The following NPHP4 variants were observed in gnomAD, a reference collection of about 807,000 sequenced individuals.
NPHP4 encodes nephrocystin-4.
Under a neutral mutation model 155.8 loss-of-function variants are expected in NPHP4, and 151 were observed. The observed-to-expected ratio is 0.97, with a 90% CI of 0.85 to 1.11. The LOEUF (loss-of-function observed/expected upper bound fraction) is 1.11. Among genes scored for constraint, NPHP4 ranks in the 50% least tolerant of loss-of-function variants. NPHP4 has a pLI of 0.00. For missense variants in NPHP4, 1,956 were observed against 1,925.7 expected, an observed-to-expected ratio of 1.02 and a Z score of -0.29; for synonymous variants, 845 against 816.8, an observed-to-expected ratio of 1.03 and a Z score of -0.59.
intron 17 of NPHP4, chr1:5,888,224 G>T: frequency 1.6e-6 from 1 of 611,674 alleles, no homozygotes; most frequent in Non-Finnish European, 2.0e-6. Context: ...CTGCTGATCA[G>T]ATTCCACGGC....
At chr1:5,930,163 A>G (rs1274708005) in intron 10 of NPHP4, among the ~76,000 whole-genome samples, 1 of 152,092 alleles carries the variant, frequency 6.6e-6, no homozygotes, top group African/African-American at 2.4e-5. Flanking sequence ...TTCATTCCTA[A>G]TATTAGTCAT....
At chr1:5,919,767 T>G (rs1645647879) in intron 11 of NPHP4, among the ~76,000 whole-genome samples, 1 of 151,824 alleles carries the variant, frequency 6.6e-6, no homozygotes. Flanking sequence ...AGAGGCAAAG[T>G]CTGGCTCTGA....
chr1:5,879,781 A>G, intron 19 of NPHP4: 1 of 406,722 alleles, frequency 2.5e-6, no homozygotes, highest in Non-Finnish European at 4.6e-6. Flanking sequence ...TGGTGCGCAC[A>G]CACACACACA....
chr1:5,897,990 C>T (rs1293109596), intron 16 of NPHP4, among the ~76,000 whole-genome samples: 1 of 152,166 alleles, frequency 6.6e-6, no homozygotes, highest in East Asian at 1.9e-4. Flanking sequence ...CGCAGAAGGC[C>T]CGGGAAAGAG....
In NPHP4 at chr1:5,867,202, G is replaced by C; in HGVS notation, c.3473-87C>G. The C allele has an allele frequency of 1.0e-6, 1 of 993,668 alleles. No homozygotes were observed. The highest frequency in any genetic ancestry group is 2.6e-5 in the East Asian group (1 of 37,886). The allele number at this position is 993,668 out of a possible 1,614,324, so 61.6% of individuals were successfully genotyped here. On this transcript the variant is annotated intron_variant, in intron 24 of 29. Coordinates refer to ENST00000378156, the MANE Select transcript of NPHP4 (RefSeq NM_015102.5). The surrounding 1 kb of genome is among the most constrained non-coding windows in gnomAD (Gnocchi z 4.1). ...CCCACACATTACACACTATAGGACA[G>C]GACAGGCTCGTCACAGGTGCTCAGC...
At chr1:5,966,673 C>T (rs1192013318) in intron 5 of NPHP4, among the ~76,000 whole-genome samples, 4 of 152,166 alleles carry the variant, frequency 2.6e-5, no homozygotes, top group Non-Finnish European at 4.4e-5. Context: ...GCCACTCTTC[C>T]CCACCCACAC....
chr1:5,929,577 G>A (rs1185473914), intron 10 of NPHP4, among the ~76,000 whole-genome samples: 1 of 151,954 alleles, frequency 6.6e-6, no homozygotes, highest in Non-Finnish European at 1.5e-5. Context: ...CCTTCTTTAG[G>A]CTGTTACTAT....
intron 2 of NPHP4, among the ~76,000 whole-genome samples, chr1:5,980,212 G>A (rs912942170): frequency 2.0e-5 from 3 of 152,196 alleles, no homozygotes; most frequent in Middle Eastern, 3.4e-3. Context: ...CCAACCCTGC[G>A]CTTCCCCAGG....
intron 22 of NPHP4, among the ~76,000 whole-genome samples, chr1:5,874,176 C>T (rs868162): frequency 0.31 from 46,185 of 149,016 alleles, 7,828 homozygotes; most frequent in South Asian, 0.42. Flanking sequence ...TGCTAGAAAA[C>T]GTCAATCCAT....
intron 11 of NPHP4, among the ~76,000 whole-genome samples, chr1:5,909,952 AC>A (rs1252802431): frequency 6.6e-6 from 1 of 152,132 alleles, no homozygotes; most frequent in African/African-American, 2.4e-5. Context: ...TCCCCAGGCC[AC>A]ATGGACACCT....
At chr1:5,900,755 A>T (rs1269483363) in intron 16 of NPHP4, among the ~76,000 whole-genome samples, 2 of 152,208 alleles carry the variant, frequency 1.3e-5, no homozygotes, top group Admixed American at 6.5e-5. Context: ...TACATTTGTT[A>T]CATGGTGGCT....
At chr1:5,981,996 C>T (rs12116780) in intron 2 of NPHP4, among the ~76,000 whole-genome samples, 21,767 of 152,096 alleles carry the variant, frequency 0.14, 1,668 homozygotes, top group Middle Eastern at 0.17. Flanking sequence ...GTCTAGAATT[C>T]GTCTTATTTC....
chr1:5,865,582 G>T, intron 26 of NPHP4: 1 of 310,174 alleles, frequency 3.2e-6, no homozygotes, highest in Non-Finnish European at 6.0e-6. Context: ...GGCACGCTTT[G>T]GCCAAACACA....
At chr1:5,915,851 A>G (rs1261851803) in intron 11 of NPHP4, among the ~76,000 whole-genome samples, 1 of 152,062 alleles carries the variant, frequency 6.6e-6, no homozygotes, top group African/African-American at 2.4e-5. Context: ...GGTGGCCAAA[A>G]AGCTGCTCCA....
At chr1:5,922,518 T>C (rs1019854740) in intron 11 of NPHP4, among the ~76,000 whole-genome samples, 1 of 152,114 alleles carries the variant, frequency 6.6e-6, no homozygotes, top group Non-Finnish European at 1.5e-5. Flanking sequence ...TTCTTCAAAA[T>C]TGCCTTGGCT....
intron 2 of NPHP4, among the ~76,000 whole-genome samples, chr1:5,985,243 C>T (rs535490945): frequency 6.6e-6 from 1 of 152,272 alleles, no homozygotes; most frequent in East Asian, 1.9e-4. Flanking sequence ...CAAGCCAAAT[C>T]CTGTAAAAAG....
intron 1 of NPHP4, among the ~76,000 whole-genome samples, chr1:5,990,599 G>C (rs1656092206): frequency 6.6e-6 from 1 of 152,142 alleles, no homozygotes; most frequent in Non-Finnish European, 1.5e-5. Context: ...CTGAGACTCA[G>C]AAAGGATAAA....
chr1:5,937,604 C>G (rs2101806333), intron 9 of NPHP4, among the ~76,000 whole-genome samples: 1 of 152,298 alleles, frequency 6.6e-6, no homozygotes, highest in South Asian at 2.1e-4. Flanking sequence ...GGGATGGCGG[C>G]CGTTCTCTGG....
intron 11 of NPHP4, among the ~76,000 whole-genome samples, chr1:5,922,002 GCT>G (rs1217080336): frequency 1.3e-5 from 2 of 152,234 alleles, no homozygotes; most frequent in Non-Finnish European, 2.9e-5. Context: ...GTGCTCATCA[GCT>G]GACCCTGAGA....
Sources: gnomAD v4.1 joint callset for allele counts (sites outside exome capture counted in the v4.1 genomes callset) on GRCh38, gnomAD v4.1.1 for gene constraint, Gnocchi (gnomAD v3.1) non-coding constraint, MANE v1.5 for transcripts, NCBI Gene and HGNC (gene_info 2026-07-23, HGNC 2026-07-21) for gene names.